The following CTSB variants were observed in gnomAD, a reference collection of about 807,000 sequenced individuals.
The protein encoded by CTSB is cathepsin B.
Under a neutral mutation model 44.3 loss-of-function variants are expected in CTSB, and 57 were observed. That is an observed-to-expected ratio of 1.29 (90% CI 1.04 to 1.60). The LOEUF is 1.60. Among genes scored for constraint, CTSB ranks in the 40% most tolerant of loss-of-function variants. The pLI is 0.00. For missense variants in CTSB, 768 were observed against 443.0 expected (o/e 1.73, Z -6.59); for synonymous variants, 320 against 168.0 (o/e 1.91, Z -7.00).
At chr8:11,848,876 C>T (rs1014351527) in intron 5 of CTSB, among the ~76,000 whole-genome samples, 170 bp downstream of exon 5, 2 of 152,218 alleles carry the variant, frequency 1.3e-5, no homozygotes, top group African/African-American at 4.8e-5. Context: ...TCAGGCACCT[C>T]CCAGGAAGCA....
chr8:11,848,329 G>C, intron 5 of CTSB, 177 bp from the exon 6 acceptor site: 1 of 694,364 alleles, frequency 1.4e-6, no homozygotes, highest in South Asian at 1.5e-5. Flanking sequence ...GATAAGCACA[G>C]CTTGCAGGGA....
At chr8:11,860,670 C>T (rs183650115) in intron 1 of CTSB, among the ~76,000 whole-genome samples, 2 of 152,246 alleles carry the variant, frequency 1.3e-5, no homozygotes, top group Admixed American at 6.5e-5. Context: ...CAAGTGCTTA[C>T]ATTTTGCCAG....
intron 8 of CTSB, 27 bp from the exon 9 acceptor site, chr8:11,845,816 C>G (rs192929398): frequency 1.8e-5 from 28 of 1,593,768 alleles, no homozygotes; most frequent in East Asian, 9.1e-5. Context: ...TGGCTGAGAC[C>G]GAGACCGGGC....
chr8:11,853,244 T>C (rs1814921809), intron 2 of CTSB, 85 bp downstream of exon 2: 2 of 1,550,566 alleles, frequency 1.3e-6, no homozygotes, highest in African/African-American at 1.4e-5. Context: ...TGGGCCACAG[T>C]GAGGGCTGGC....
Position 11,845,215 on chromosome 8 carries a change from AAAGAAGCCTGGGAATAAAAAGT to A in CTSB, c.923-15_929del, listed in dbSNP as rs761111180. Reference sequence around the variant, plus strand: ...AGTGATCCTGTCCTCTGAGTATTTTAAAGAAGCCTGGGAATAAAAAGTAAGGTGCTTTTAAAGTGTGACAAGG... The same window carrying A: ...AGTGATCCTGTCCTCTGAGTATTTTAAAGGTGCTTTTAAAGTGTGACAAGG... On this transcript the variant is annotated splice_acceptor_variant and splice_polypyrimidine_tract_variant and coding_sequence_variant and intron_variant, in exon 10 of 10. Coordinates refer to ENST00000353047, the MANE Select transcript of CTSB (RefSeq NM_001908.5). LOFTEE classifies it high-confidence loss of function. 1.2e-6 allele frequency: 2 copies of A among 1,612,710 alleles called. No homozygotes were observed. Among genetic ancestry groups the A allele is most frequent in the Non-Finnish European group, 1.7e-6 (2 of 1,178,756 alleles).
intron 1 of CTSB, among the ~76,000 whole-genome samples, chr8:11,857,592 G>C (rs1815711857): frequency 1.3e-5 from 2 of 152,170 alleles, no homozygotes; most frequent in Admixed American, 1.3e-4. Context: ...TGAGAACACA[G>C]GCAGCTGCCA....
intron 3 of CTSB, among the ~76,000 whole-genome samples, 155 bp from the exon 4 acceptor site, chr8:11,851,135 A>G (rs1477951514): frequency 6.6e-6 from 1 of 151,918 alleles, no homozygotes; most frequent in Non-Finnish European, 1.5e-5. Flanking sequence ...TGGTAATTTC[A>G]TAAAACAAAA....
intron 9 of CTSB, 116 bp from the exon 10 acceptor site, chr8:11,845,338 C>T (rs1220567575): frequency 3.8e-6 from 3 of 783,298 alleles, no homozygotes; most frequent in Non-Finnish European, 6.4e-6. Context: ...TGTTGGCCCA[C>T]TAGCACAGTC....
intron 1 of CTSB, among the ~76,000 whole-genome samples, chr8:11,860,517 G>A (rs1371966481): frequency 2.0e-5 from 3 of 152,092 alleles, no homozygotes; most frequent in East Asian, 1.9e-4. Flanking sequence ...CCAACTACTC[G>A]GGAGGCTGAA....
intron 2 of CTSB, 81 bp from the exon 3 acceptor site, chr8:11,852,776 C>T: frequency 1.5e-6 from 2 of 1,324,078 alleles, no homozygotes; most frequent in Non-Finnish European, 1.1e-6. Flanking sequence ...GAAGCCCAAC[C>T]CAGGGAAAAC....
chr8:11,847,190 G>A (rs773684799), intron 7 of CTSB, 22 bp from the exon 8 acceptor site: 5 of 1,499,542 alleles, frequency 3.3e-6, no homozygotes, highest in South Asian at 2.3e-5. Flanking sequence ...ACCGAGCTCG[G>A]GGTTGGGGAG....
intron 7 of CTSB, 149 bp from the exon 8 acceptor site, chr8:11,847,317 C>T (rs1488830909): frequency 3.0e-6 from 2 of 656,360 alleles, no homozygotes; most frequent in Non-Finnish European, 2.7e-6. Flanking sequence ...AAGGAAGGCT[C>T]CCCTGAAGAA....
intron 1 of CTSB, chr8:11,861,585 G>C (rs1563431190): frequency 6.6e-6 from 1 of 152,264 alleles, no homozygotes; most frequent in Non-Finnish European, 1.5e-5. Context: ...GCCCTCAGCA[G>C]TTATTTTTTG....
chr8:11,854,799 C>G (rs1157750362), intron 1 of CTSB: 1 of 152,276 alleles, frequency 6.6e-6, no homozygotes, highest in Admixed American at 6.6e-5. Context: ...AGAGCTCTGA[C>G]GGGAGCCCAG....
chr8:11,845,758 C>T lies in CTSB; in HGVS notation c.825G>A (p.Met275Ile), dbSNP rs199904756. 3 of 1,613,942 alleles carry T rather than the reference C, an allele frequency of 1.9e-6. No homozygotes were observed. The highest frequency in any genetic ancestry group is 2.5e-6 in the Non-Finnish European group (3 of 1,179,958). ...CCAGGATGCGGATGGCATGGCCACC[C>T]ATCATCTCTCCGGTGACGTGTTGGT... The part of the protein sequence containing the change: ...GVYQHVTGEM[M>I]GGHAIRILGW... Residue 275 changes from methionine to isoleucine, a missense_variant, in exon 9 of 10, where the codon ATG becomes ATA. Met to Ile is a conservative substitution (Grantham distance 10). Transcript: ENST00000353047.
chr8:11,860,848 T>A (rs531930918), intron 1 of CTSB, among the ~76,000 whole-genome samples: 12 of 152,316 alleles, frequency 7.9e-5, no homozygotes, highest in Middle Eastern at 3.4e-3. Flanking sequence ...TAACGGCAGT[T>A]GCTCCTGAAG....
chr8:11,867,770 G>T (rs1034264626), intron 1 of CTSB: 9 of 152,244 alleles, frequency 5.9e-5, no homozygotes, highest in Non-Finnish European at 1.0e-4. Flanking sequence ...GCTGGCGGGC[G>T]GAGCTGTTTT....
At chr8:11,860,096 CTTTCTTACATGG>C (rs1043809429) in intron 1 of CTSB, among the ~76,000 whole-genome samples, 5 of 152,044 alleles carry the variant, frequency 3.3e-5, no homozygotes, top group Non-Finnish European at 5.9e-5. Flanking sequence ...AAAGAAAAAG[CTTTCTTACATGG>C]TCACAGAGCC....
chr8:11,847,206 T>G (rs1813559974), intron 7 of CTSB, 38 bp from the exon 8 acceptor site: 1 of 1,360,836 alleles, frequency 7.3e-7, no homozygotes, highest in Non-Finnish European at 1.1e-6. Flanking sequence ...GGGAGGGCAG[T>G]GACCGTGCCT....
Sources: allele counts gnomAD v4.1 joint callset (sites outside exome capture counted in the v4.1 genomes callset), GRCh38; gene constraint gnomAD v4.1.1; transcripts MANE v1.5; gene names NCBI Gene and HGNC (gene_info 2026-07-23, HGNC 2026-07-21).